TNK2: variants seen among roughly 807,000 people sequenced by gnomAD.
TNK2 encodes tyrosine kinase non receptor 2, also known as activated CDC42 kinase 1.
Under a neutral mutation model 101.8 loss-of-function variants are expected in TNK2, and 83 were observed. The observed-to-expected ratio is 0.82, with a 90% CI of 0.68 to 0.98. The LOEUF is 0.98. Ranked by LOEUF, TNK2 falls within the 50% of genes least tolerant of loss-of-function variation. The pLI is 0.00. For missense variants in TNK2, 1,665 were observed against 1,483.2 expected, an observed-to-expected ratio of 1.12 and a Z score of -2.01; for synonymous variants, 804 against 633.0, an observed-to-expected ratio of 1.27 and a Z score of -4.06.
Position 195,882,019 on chromosome 3 carries a change from G to T in TNK2, c.887+32C>A. 1.3e-6 allele frequency: 2 copies of T among 1,590,740 alleles called. No homozygotes were observed. Among genetic ancestry groups the T allele is most frequent in the Non-Finnish European group, 1.7e-6 (2 of 1,166,028 alleles). On this transcript the variant is annotated intron_variant, in intron 6 of 15. Transcript: ENST00000672887. The surrounding 1 kb of genome is among the most constrained non-coding windows in gnomAD (Gnocchi z 4.2). The stretch of plus-strand genomic sequence containing the variant: ...AAGCTTTGAGGCCTGGGTCTGCAGG[G>T]ACTCTGTGAGCTGGCAGCACCTGCC...
At chr3:195,869,102 G>A (rs1047455201) in intron 12 of TNK2, 22 of 464,608 alleles carry the variant, frequency 4.7e-5, no homozygotes, top group Middle Eastern at 5.8e-4. Context: ...GCACGGAGCC[G>A]CCTCCTGCCA....
chr3:195,869,034 C>T, intron 12 of TNK2: 1 of 468,458 alleles, frequency 2.1e-6, no homozygotes, highest in South Asian at 3.3e-5. Flanking sequence ...TGCTCCTGCG[C>T]CCTGGCGAGT....
At chr3:195,895,566 C>T in intron 1 of TNK2, 4 of 1,323,172 alleles carry the variant, frequency 3.0e-6, no homozygotes, top group Non-Finnish European at 3.8e-6. Context: ...CTCTCCGGGG[C>T]GCGGCTCCCA....
At chr3:195,889,224 C>T (rs185436697) in intron 1 of TNK2, among the ~76,000 whole-genome samples, 16 of 152,208 alleles carry the variant, frequency 1.1e-4, no homozygotes, top group Middle Eastern at 3.4e-3. Context: ...GTGGGGCCTG[C>T]GGTGGGCTCG....
At position 195,885,167 on chromosome 3, in the gene TNK2, TG is replaced by T; in HGVS notation, c.235-135del. ...GGTCCTGGTTTTGCCAAACTGTCAG[TG>T]GGGCAGCCTGGCTGGAGGCCCACAC... On this transcript the variant is annotated intron_variant, in intron 3 of 15. Transcript: ENST00000672887. The surrounding 1 kb of genome is among the most constrained non-coding windows in gnomAD (Gnocchi z 4.7). 1.9e-6 allele frequency: 2 copies of T among 1,046,704 alleles called. No individual in the cohort carries two copies. The highest frequency in any genetic ancestry group is 2.7e-6 in the Non-Finnish European group (2 of 733,904). 64.8% of individuals were successfully genotyped at this position (1,046,704 alleles called of 1,614,324 possible).
In TNK2 at chr3:195,904,622, G is replaced by T. The variant is rs554832677; in HGVS notation, c.-19+3863C>A. On this transcript the variant is annotated intron_variant, in intron 1 of 15. Transcript: ENST00000672887. ...GGAGATGGATGCTGGTGACGGCTGT[G>T]CAACAGTATGAATGTATTTACCACC... 2.0e-5 allele frequency among the ~76,000 whole-genome samples: 3 copies of T among 152,276 alleles called. No homozygotes were observed. In the South Asian group the frequency reaches 6.2e-4, roughly 32 times the overall value.
intron 1 of TNK2, chr3:195,896,214 C>A: frequency 2.4e-6 from 1 of 419,086 alleles, no homozygotes; most frequent in Non-Finnish European, 4.8e-6. Flanking sequence ...GGCCCCAAGG[C>A]ACCGCTTCTC....
chr3:195,895,457 T>C (rs754067405), intron 1 of TNK2: 118 of 1,413,862 alleles, frequency 8.3e-5, no homozygotes, highest in Non-Finnish European at 2.7e-5. Flanking sequence ...TCAGCCCCCA[T>C]AGCCTCATCC....
At chr3:195,904,068 C>A (rs1022164634) in intron 1 of TNK2, among the ~76,000 whole-genome samples, 6 of 151,906 alleles carry the variant, frequency 3.9e-5, no homozygotes, top group African/African-American at 1.5e-4. Context: ...GCCTGGGCAA[C>A]ATGCCAAACT....
chr3:195,903,321 T>G (rs927523408), intron 1 of TNK2, among the ~76,000 whole-genome samples: 7 of 151,664 alleles, frequency 4.6e-5, no homozygotes, highest in African/African-American at 1.7e-4. Flanking sequence ...ATTACAGGCG[T>G]GAGCCACCGC....
rs954474352 is a variant in TNK2 at position 195,883,282 on chromosome 3, G to T, written c.484C>A (p.Pro162Thr). Reference sequence around the variant, plus strand: ...GCTTCTGGCTGGCTCAGGACATCGGGCTTCAGGCACTTCACAGCCACACTC... The same window carrying T: ...GCTTCTGGCTGGCTCAGGACATCGGTCTTCAGGCACTTCACAGCCACACTC... The part of the protein sequence containing the change: ...TVSVAVKCLK[P>T]DVLSQPEAMD... Residue 162 changes from proline to threonine, a missense_variant, in exon 5 of 16, where the codon CCC becomes ACC. This residue lies in a region of TNK2 where 490 missense variants were observed against 522.5 expected (regional missense o/e 0.94). Coordinates refer to ENST00000672887, the MANE Select transcript of TNK2 (RefSeq NM_001382273.1). The T allele has an allele frequency of 1.2e-6, 2 of 1,613,288 alleles. No homozygotes were observed. Among genetic ancestry groups the T allele is most frequent in the African/African-American group, 2.7e-5 (2 of 74,908 alleles).
Position 195,878,477 on chromosome 3 carries a change from G to A in TNK2, c.1130C>T (p.Thr377Met), listed in dbSNP as rs376442586. 41 of 1,613,872 alleles carry A rather than the reference G, an allele frequency of 2.5e-5. 1 individual carries two copies. Among genetic ancestry groups the A allele is most frequent in the Middle Eastern group, 3.3e-4 (2 of 6,084 alleles). Residue 377 changes from threonine to methionine, a missense_variant, in exon 8 of 16, where the codon ACG becomes ATG. Physicochemically the swap from Thr to Met is moderately conservative, Grantham distance 81. Around this residue, in one of 3 missense-constraint regions of TNK2, gnomAD observed 490 missense variants for 522.5 expected, o/e 0.94. Transcript: ENST00000672887. The surrounding 1 kb of genome is among the most constrained non-coding windows in gnomAD (Gnocchi z 4.7). ...CAGGAAGTCCCGCAGGGCCACAAAC[G>A]TGGGTCTGTCCTCTGGCTTGTGAGC... ...CWAHKPEDRP[T>M]FVALRDFLLE...
At position 195,885,514 on chromosome 3, in the gene TNK2, C is replaced by T. The variant is rs1417458969; in HGVS notation, c.235-481G>A. The T allele has an allele frequency of 1.5e-6, 2 of 1,294,150 alleles. No homozygotes were observed. The highest frequency in any genetic ancestry group is 1.2e-5 in the South Asian group (1 of 81,064). 80.2% of individuals were successfully genotyped at this position (1,294,150 alleles called of 1,614,324 possible). The stretch of plus-strand genomic sequence containing the variant: ...GACCATTTGGTGCTGTCTGTCTCCA[C>T]CCTCACCAGGGAGTCGGCTGCCCTT... On this transcript the variant is annotated intron_variant, in intron 3 of 15. Coordinates refer to ENST00000672887, the MANE Select transcript of TNK2 (RefSeq NM_001382273.1). The surrounding 1 kb of genome is among the most constrained non-coding windows in gnomAD (Gnocchi z 4.7).
At position 195,878,443 on chromosome 3, in the gene TNK2, C is replaced by T. The variant is rs947344048; in HGVS notation, c.1161+3G>A. 6.2e-7 allele frequency: 1 copy of T among 1,613,932 alleles called. No individual in the cohort carries two copies. The highest frequency in any genetic ancestry group is 1.1e-5 in the South Asian group (1 of 91,082). On this transcript the variant is annotated splice_donor_region_variant and intron_variant, in intron 8 of 15. Transcript: ENST00000672887. This position sits in a 1 kb window ranked among gnomAD's most constrained non-coding sequence, Gnocchi z 4.7. ...AGCTCTCCTGGGCTGACCTGTCCCT[C>T]ACCTCCAGCAGGAAGTCCCGCAGGG...
In TNK2 at chr3:195,872,205, C is replaced by T. The variant is rs539910674; in HGVS notation, c.1451+71G>A. Reference sequence around the variant, plus strand: ...AAGGGTGAAGAGCAGATTCCGCCCACGCGTGCCGTGCTGAGGGCCCTGGAG... The same window carrying T: ...AAGGGTGAAGAGCAGATTCCGCCCATGCGTGCCGTGCTGAGGGCCCTGGAG... On this transcript the variant is annotated intron_variant, in intron 10 of 15. Transcript: ENST00000672887. The T allele has an allele frequency of 1.0e-5, 16 of 1,547,258 alleles. No homozygotes were observed. In the Admixed American group the frequency reaches 1.3e-4, roughly 12 times the overall value.
rs1753387498 is a variant in TNK2 at position 195,882,042 on chromosome 3, G to GC, written c.887+8dup. 1.9e-6 allele frequency: 3 copies of GC among 1,603,772 alleles called. No homozygotes were observed. In the East Asian group the frequency reaches 6.7e-5, roughly 36 times the overall value. On this transcript the variant is annotated intron_variant, in intron 6 of 15. Coordinates refer to ENST00000672887, the MANE Select transcript of TNK2 (RefSeq NM_001382273.1). This position sits in a 1 kb window ranked among gnomAD's most constrained non-coding sequence, Gnocchi z 4.2. ...GGGACTCTGTGAGCTGGCAGCACCTGCCCCTCACCAGGCGAAGGGCACCTT... is the reference window on the plus strand; with the variant it reads ...GGGACTCTGTGAGCTGGCAGCACCTGCCCCCTCACCAGGCGAAGGGCACCTT...
intron 15 of TNK2, among the ~76,000 whole-genome samples, chr3:195,865,577 A>T (rs1299216590): frequency 6.2e-5 from 9 of 145,468 alleles, no homozygotes; most frequent in South Asian, 2.2e-4. Flanking sequence ...CACCCGAGAC[A>T]GTGACAGACA....
intron 1 of TNK2, among the ~76,000 whole-genome samples, chr3:195,898,602 C>T (rs1760894405): frequency 6.6e-6 from 1 of 152,070 alleles, no homozygotes; most frequent in African/African-American, 2.4e-5. Context: ...GTTTGCCCTT[C>T]CCTAGACATA....
rs745937686 is a variant in TNK2, at chr3:195,878,407, T to C, written c.1161+39A>G. 11 of 1,613,846 alleles carry C rather than the reference T, an allele frequency of 6.8e-6. No individual in the cohort carries two copies. Among genetic ancestry groups the C allele is most frequent in the Non-Finnish European group, 9.3e-6 (11 of 1,179,902 alleles). ...ACTGACGCCTGGGTAGCCCCTCAGC[T>C]TGAACACCCCAGCTCTCCTGGGCTG... On this transcript the variant is annotated intron_variant, in intron 8 of 15. Coordinates refer to ENST00000672887, the MANE Select transcript of TNK2 (RefSeq NM_001382273.1). The surrounding 1 kb of genome is among the most constrained non-coding windows in gnomAD (Gnocchi z 4.7).
Sources: allele counts gnomAD v4.1 joint callset (sites outside exome capture counted in the v4.1 genomes callset), GRCh38; gene constraint gnomAD v4.1.1; regional missense constraint gnomAD v4.1.1; non-coding constraint Gnocchi (gnomAD v3.1); transcripts MANE v1.5; gene names NCBI Gene and HGNC (gene_info 2026-07-23, HGNC 2026-07-21).